The following HTR4 variants were observed in gnomAD, a reference collection of about 807,000 sequenced individuals.
The protein encoded by HTR4 is 5-hydroxytryptamine (serotonin) receptor 4, G protein-coupled.
In HTR4, 16 loss-of-function variants were observed where a neutral mutation model predicts 36.8. The ratio of observed to expected loss-of-function variants is 0.43; its 90% CI spans 0.29 to 0.66. The LOEUF (loss-of-function observed/expected upper bound fraction) is 0.66, where lower values mean the gene tolerates loss of function less well. Among genes scored for constraint, HTR4 ranks in the 30% least tolerant of loss-of-function variants. The pLI, the probability that HTR4 is intolerant of heterozygous loss-of-function variation, is 0.13. For missense variants in HTR4, 438 were observed against 490.9 expected (o/e 0.89, Z 1.02); for synonymous variants, 189 against 185.1 (o/e 1.02, Z -0.17).
At chr5:148,611,906 C>A (rs1399288310) in intron 2 of HTR4, among the ~76,000 whole-genome samples, 1 of 151,908 alleles carries the variant, frequency 6.6e-6, no homozygotes, top group Non-Finnish European at 1.5e-5. Context: ...GACTTTAAAC[C>A]AACAAAGATC....
intron 4 of HTR4, among the ~76,000 whole-genome samples, chr5:148,543,423 A>G (rs1209498411): frequency 1.3e-5 from 2 of 152,210 alleles, no homozygotes; most frequent in East Asian, 3.8e-4. Flanking sequence ...TTGAACGATC[A>G]ATTTATTATC....
At chr5:148,522,716 C>G (rs78656335) in intron 5 of HTR4, among the ~76,000 whole-genome samples, 5,314 of 152,134 alleles carry the variant, frequency 0.035, 119 homozygotes, top group African/African-American at 0.057. Context: ...TATAGCCAAA[C>G]AGCATGGTGA....
intron 5 of HTR4, among the ~76,000 whole-genome samples, chr5:148,468,693 C>T (rs1755494356): frequency 1.3e-5 from 2 of 152,142 alleles, no homozygotes; most frequent in African/African-American, 4.8e-5. Context: ...TTATTCTGCC[C>T]TATACATCAA....
chr5:148,651,723 T>C (rs920637797), intron 1 of HTR4, among the ~76,000 whole-genome samples: 4 of 147,780 alleles, frequency 2.7e-5, no homozygotes, highest in African/African-American at 8.0e-5. Context: ...AATAATATTA[T>C]TGAATAAAAA....
intron 1 of HTR4, among the ~76,000 whole-genome samples, chr5:148,641,913 C>T (rs1373290281): frequency 1.3e-5 from 2 of 152,184 alleles, no homozygotes; most frequent in African/African-American, 4.8e-5. Context: ...ACAGGGTTCA[C>T]ATGTGAATAG....
chr5:148,629,749 A>C (rs1753254898), intron 2 of HTR4: 1 of 152,204 alleles, frequency 6.6e-6, no homozygotes, highest in Non-Finnish European at 1.5e-5. Context: ...CAGGTTTCTG[A>C]AGCCGGGTGA....
At position 148,637,062 on chromosome 5, in the gene HTR4, C is replaced by T; in HGVS notation, c.-47-1G>A. On this transcript the variant is annotated splice_acceptor_variant, in intron 1 of 6. Coordinates refer to ENST00000377888, the MANE Select transcript of HTR4 (RefSeq NM_000870.7). LOFTEE classifies it low-confidence loss of function (5UTR_SPLICE). ...GTTGGATTTCAATGCCCACAGGGTCCTAAAATGGGGGAAGTAAAAAGATGT... is the reference window on the plus strand; with the variant it reads ...GTTGGATTTCAATGCCCACAGGGTCTTAAAATGGGGGAAGTAAAAAGATGT... 3 of 1,598,526 alleles carry T rather than the reference C, an allele frequency of 1.9e-6. No homozygotes were observed. The highest frequency in any genetic ancestry group is 2.6e-6 in the Non-Finnish European group (3 of 1,167,964).
downstream of HTR4, among the ~76,000 whole-genome samples, chr5:148,475,238 A>T (rs968069725): frequency 3.5e-4 from 54 of 152,224 alleles, no homozygotes; most frequent in African/African-American, 1.3e-3. Flanking sequence ...TTAGCAATAC[A>T]GAAACTGAAG....
At chr5:148,492,724 A>G (rs1756509943) in intron 6 of HTR4, among the ~76,000 whole-genome samples, 1 of 152,244 alleles carries the variant, frequency 6.6e-6, no homozygotes, top group Non-Finnish European at 1.5e-5. Flanking sequence ...AATGGGTTCT[A>G]ATATTATGTC....
intron 5 of HTR4, among the ~76,000 whole-genome samples, chr5:148,521,325 A>AGGAAATTTTT (rs1758003503): frequency 6.6e-6 from 1 of 152,136 alleles, no homozygotes; most frequent in Non-Finnish European, 1.5e-5. Context: ...TGTGTCTTCG[A>AGGAAATTTTT]GGAAATTTTT....
intron 2 of HTR4, among the ~76,000 whole-genome samples, chr5:148,586,124 T>C (rs1243176655): frequency 1.3e-5 from 2 of 152,142 alleles, no homozygotes; most frequent in East Asian, 1.9e-4. Context: ...TCCACATGTT[T>C]GTTGTTGGGC....
chr5:148,501,706 C>T (rs1281429224), intron 6 of HTR4, among the ~76,000 whole-genome samples: 1 of 152,092 alleles, frequency 6.6e-6, no homozygotes, highest in African/African-American at 2.4e-5. Flanking sequence ...GTATAGGCTA[C>T]CCTTACTCTT....
At chr5:148,640,375 C>G (rs1000193682) in intron 1 of HTR4, among the ~76,000 whole-genome samples, 4 of 152,200 alleles carry the variant, frequency 2.6e-5, no homozygotes, top group Admixed American at 2.6e-4. Context: ...CCATTCCTGG[C>G]AACAAGAATC....
intron 5 of HTR4, among the ~76,000 whole-genome samples, chr5:148,519,960 T>A (rs930464884): frequency 6.6e-6 from 1 of 152,156 alleles, no homozygotes; most frequent in Non-Finnish European, 1.5e-5. Flanking sequence ...TATAGTGTCT[T>A]GTCCATGACT....
rs143929554 is a variant in HTR4, at chr5:148,620,361, G to A, written c.26+16628C>T. Among the ~76,000 whole-genome samples, 612 of 152,340 alleles carry A rather than the reference G, an allele frequency of 4.0e-3. 4 individuals are homozygous for A. The highest frequency in any genetic ancestry group is 0.014 in the African/African-American group (570 of 41,574). On this transcript the variant is annotated intron_variant, in intron 2 of 6. Transcript: ENST00000377888. Reference sequence around the variant, plus strand: ...ATGATAGATTGGCAGTGTTTCCAGTGGGGATGGCAGTAGGAAGGGAAGGTG... The same window carrying A: ...ATGATAGATTGGCAGTGTTTCCAGTAGGGATGGCAGTAGGAAGGGAAGGTG...
intron 2 of HTR4, among the ~76,000 whole-genome samples, chr5:148,565,020 G>T (rs912575111): frequency 6.7e-6 from 1 of 149,680 alleles, no homozygotes; most frequent in East Asian, 2.0e-4. Context: ...TGAGGCAGGA[G>T]AATCACTTGA....
At chr5:148,458,998 C>G (rs1755196979) in intron 5 of HTR4, among the ~76,000 whole-genome samples, 1 of 152,160 alleles carries the variant, frequency 6.6e-6, no homozygotes, top group Non-Finnish European at 1.5e-5. Context: ...TCAGGTAACA[C>G]AAATTTATTA....
chr5:148,488,708 A>C (rs1756275440), intron 6 of HTR4, among the ~76,000 whole-genome samples: 1 of 152,222 alleles, frequency 6.6e-6, no homozygotes, highest in Non-Finnish European at 1.5e-5. Context: ...AAAGCAATGC[A>C]TCTGCAGGGC....
downstream of HTR4, chr5:148,476,827 A>C: frequency 1.2e-6 from 2 of 1,605,118 alleles, no homozygotes; most frequent in East Asian, 4.5e-5. Flanking sequence ...AGAACAAATA[A>C]AATGTTTGGG....
Sources: allele counts gnomAD v4.1 joint callset (sites outside exome capture counted in the v4.1 genomes callset), GRCh38; gene constraint gnomAD v4.1.1; transcripts MANE v1.5; gene names NCBI Gene and HGNC (gene_info 2026-07-23, HGNC 2026-07-21).